Variants in IL1RAPL1 observed in about 807,000 individuals in gnomAD.
IL1RAPL1 encodes interleukin-1 receptor accessory protein-like 1.
IL1RAPL1 carries 3 observed loss-of-function variants against 48.4 expected under a neutral mutation model. The observed-to-expected ratio is 0.06, with a 90% CI of 0.03 to 0.16. IL1RAPL1 has a LOEUF of 0.16. Among genes scored for constraint, IL1RAPL1 ranks in the 10% least tolerant of loss-of-function variants. The pLI is 1.00. For missense variants in IL1RAPL1, 349 were observed against 530.6 expected, an observed-to-expected ratio of 0.66 and a Z score of 3.36; for synonymous variants, 185 against 187.7, an observed-to-expected ratio of 0.99 and a Z score of 0.12.
chrX:29,712,105 T>G (rs1927368538), intron 6 of IL1RAPL1, among the ~76,000 whole-genome samples: 1 of 110,078 alleles, frequency 9.1e-6, no homozygotes, highest in East Asian at 2.8e-4. Context: ...TTTTTTTTTT[T>G]TGTGGTTGTA....
intron 2 of IL1RAPL1, among the ~76,000 whole-genome samples, chrX:29,211,864 T>C (rs1930775378): frequency 9.0e-6 from 1 of 111,635 alleles, no homozygotes; most frequent in Admixed American, 9.5e-5. Context: ...CATATTGGCA[T>C]GCCCTGGATT....
At chrX:28,662,139 G>T (rs1441962946) in intron 1 of IL1RAPL1, among the ~76,000 whole-genome samples, 1 of 110,485 alleles carries the variant, frequency 9.1e-6, no homozygotes, top group Non-Finnish European at 1.9e-5. Context: ...GGCCTGTGTG[G>T]CCTGGGTCTA....
chrX:28,858,850 T>G (rs1054838148), intron 2 of IL1RAPL1, among the ~76,000 whole-genome samples: 2 of 112,618 alleles, frequency 1.8e-5, no homozygotes, highest in African/African-American at 6.4e-5. Flanking sequence ...ATTTTATTAT[T>G]ACTTTAAAAA....
chrX:29,012,233 A>G (rs1056874393), intron 2 of IL1RAPL1, among the ~76,000 whole-genome samples: 1 of 112,685 alleles, frequency 8.9e-6, no homozygotes, highest in Non-Finnish European at 1.9e-5. Context: ...ACTAAGATGG[A>G]TAAGTCATCA....
chrX:28,895,928 G>C (rs761178648), intron 2 of IL1RAPL1, among the ~76,000 whole-genome samples: 1 of 112,213 alleles, frequency 8.9e-6, no homozygotes, highest in East Asian at 2.8e-4. Flanking sequence ...GGCTCTGGGA[G>C]TGGCTCCCAG....
chrX:29,378,838 T>G (rs1413421986), intron 3 of IL1RAPL1, among the ~76,000 whole-genome samples: 1 of 112,239 alleles, frequency 8.9e-6, no homozygotes, highest in Non-Finnish European at 1.9e-5. Flanking sequence ...CCCCTCTGAT[T>G]ACTTCCACCA....
At chrX:29,402,514 G>A (rs1415817208) in intron 5 of IL1RAPL1, among the ~76,000 whole-genome samples, 1 of 111,708 alleles carries the variant, frequency 9.0e-6, no homozygotes, top group Non-Finnish European at 1.9e-5. Flanking sequence ...ATTTTAGAAC[G>A]GTTTTAGATT....
At chrX:29,540,559 C>T (rs1921403942) in intron 5 of IL1RAPL1, among the ~76,000 whole-genome samples, 1 of 111,857 alleles carries the variant, frequency 8.9e-6, no homozygotes. Context: ...GCTTAAACTG[C>T]ATGGTACTGG....
At chrX:28,952,780 A>G (rs1216826067) in intron 2 of IL1RAPL1, among the ~76,000 whole-genome samples, 1 of 111,603 alleles carries the variant, frequency 9.0e-6, no homozygotes, top group Non-Finnish European at 1.9e-5. Context: ...ATTTGGTGAT[A>G]TTTTTAAAAG....
At chrX:29,334,052 G>A (rs1932933848) in intron 3 of IL1RAPL1, among the ~76,000 whole-genome samples, 1 of 92,558 alleles carries the variant, frequency 1.1e-5, no homozygotes, top group South Asian at 4.9e-4. Context: ...TCCCGGACTG[G>A]GCGGCTGGCC....
At chrX:29,314,476 G>A (rs180754182) in intron 3 of IL1RAPL1, among the ~76,000 whole-genome samples, 2 of 112,660 alleles carry the variant, frequency 1.8e-5, no homozygotes, top group South Asian at 3.6e-4. Context: ...TTAAGACAGA[G>A]CTACTTGATC....
At chrX:29,561,157 G>T (rs1922181800) in intron 5 of IL1RAPL1, among the ~76,000 whole-genome samples, 1 of 112,349 alleles carries the variant, frequency 8.9e-6, no homozygotes, top group Non-Finnish European at 1.9e-5. Context: ...AAGCCAGGCT[G>T]GGTGCTGACT....
chrX:28,872,188 A>AT (rs10566764), intron 2 of IL1RAPL1, among the ~76,000 whole-genome samples: 41 of 103,344 alleles, frequency 4.0e-4, no homozygotes, highest in Admixed American at 1.4e-3. Flanking sequence ...TTTAAAAACA[A>AT]TTTTTTTTTT....
chrX:28,723,220 T>A (rs149936081), intron 1 of IL1RAPL1, among the ~76,000 whole-genome samples: 3,091 of 110,936 alleles, frequency 0.028, 114 homozygotes, highest in African/African-American at 0.097. Context: ...ATCCATCTGG[T>A]CCTGGACTTT....
Position 29,098,336 on chromosome X carries a change from A to ATTG in IL1RAPL1, c.83-184587_83-184585dup, listed in dbSNP as rs764127469. The stretch of plus-strand genomic sequence containing the variant: ...TCTACTTACTCATTGCATCCCCTGA[A>ATTG]TTGTTGTTGTTGTTGTTATTGCTGT... On this transcript the variant is annotated intron_variant, in intron 2 of 10. Coordinates refer to ENST00000378993, the MANE Select transcript of IL1RAPL1 (RefSeq NM_014271.4). 2.9e-3 allele frequency among the ~76,000 whole-genome samples: 320 copies of ATTG among 110,874 alleles called. 1 individual carries two copies. The highest frequency in any genetic ancestry group is 9.9e-3 in the African/African-American group (301 of 30,506).
At chrX:29,604,872 G>T (rs1923837141) in intron 5 of IL1RAPL1, among the ~76,000 whole-genome samples, 1 of 109,966 alleles carries the variant, frequency 9.1e-6, no homozygotes, top group African/African-American at 3.3e-5. Flanking sequence ...TTTTTTTCAG[G>T]ATCCACCCTC....
chrX:29,688,795 A>G (rs368150527), intron 6 of IL1RAPL1, among the ~76,000 whole-genome samples: 1 of 97,733 alleles, frequency 1.0e-5, no homozygotes, highest in South Asian at 5.1e-4. Context: ...TTCTGTGTTC[A>G]TGTGTGTTGT....
intron 1 of IL1RAPL1, among the ~76,000 whole-genome samples, chrX:28,642,641 TGGGACACA>T (rs1934560074): frequency 8.9e-6 from 1 of 111,942 alleles, no homozygotes; most frequent in East Asian, 2.8e-4. Context: ...CTAGAATCTC[TGGGACACA>T]GCTAAAGCAT....
intron 1 of IL1RAPL1, chrX:28,659,607 G>A (rs1312737442): frequency 2.5e-6 from 1 of 397,645 alleles, no homozygotes; most frequent in Non-Finnish European, 4.5e-6. Context: ...GCGCGGCGGC[G>A]GCTGCGAACA....
Sources: allele counts gnomAD v4.1 joint callset (sites outside exome capture counted in the v4.1 genomes callset), GRCh38; gene constraint gnomAD v4.1.1; transcripts MANE v1.5; gene names NCBI Gene and HGNC (gene_info 2026-07-23, HGNC 2026-07-21).